USH2A: variants seen among roughly 807,000 people sequenced by gnomAD.
USH2A encodes usherin.
Under a neutral mutation model 538.9 loss-of-function variants are expected in USH2A, and 443 were observed. The observed-to-expected ratio is 0.82, with a 90% CI of 0.76 to 0.89. The LOEUF (loss-of-function observed/expected upper bound fraction) is 0.89. Among genes scored for constraint, USH2A ranks in the 40% least tolerant of loss-of-function variants. The pLI is 0.00. For synonymous variants in USH2A, 2,413 were observed against 2,273.5 expected (o/e 1.06, Z -1.75); for missense variants, 6,633 against 6,324.8 (o/e 1.05, Z -1.65).
In USH2A at chr1:215,671,372, T is replaced by C. The variant is rs1376523618; in HGVS notation, c.13812-79A>G. On this transcript the variant is annotated intron_variant, in intron 63 of 71. Transcript: ENST00000307340. Reference sequence around the variant, plus strand: ...GAAGAATCTTTAAAACACCAGGCCTTAAAAAAAAAAGACAAGCTTACATGT... The same window carrying C: ...GAAGAATCTTTAAAACACCAGGCCTCAAAAAAAAAAGACAAGCTTACATGT... 4 of 1,155,974 alleles carry C rather than the reference T, an allele frequency of 3.5e-6. No homozygotes were observed. In the Admixed American group the frequency reaches 9.9e-5, roughly 28 times the overall value. The allele number at this position is 1,155,974 out of a possible 1,614,324, so 71.6% of individuals were successfully genotyped here. A position where few individuals can be genotyped will look rare whatever the true frequency, so the allele number is the denominator to read the frequency against.
chr1:216,286,813 G>A (rs1372601646), intron 11 of USH2A, among the ~76,000 whole-genome samples: 1 of 152,042 alleles, frequency 6.6e-6, no homozygotes, highest in East Asian at 1.9e-4. Context: ...TACAAAAATG[G>A]ACTAATACAT....
At chr1:215,858,160 T>C (rs980156034) in intron 44 of USH2A, among the ~76,000 whole-genome samples, 11 of 152,216 alleles carry the variant, frequency 7.2e-5, no homozygotes, top group African/African-American at 1.4e-4. Flanking sequence ...ATGTTAAATA[T>C]GTGTATATTG....
chr1:216,315,809 CAT>C (rs2037497180), intron 9 of USH2A, among the ~76,000 whole-genome samples: 1 of 152,026 alleles, frequency 6.6e-6, no homozygotes. Context: ...TTATAAATAA[CAT>C]GTTTGTAACT....
chr1:216,059,022 C>T (rs1310358028), intron 30 of USH2A, among the ~76,000 whole-genome samples: 1 of 151,982 alleles, frequency 6.6e-6, no homozygotes, highest in Non-Finnish European at 1.5e-5. Flanking sequence ...GGAGTAAGAA[C>T]TTTCAGTTGA....
At chr1:215,739,300 T>C (rs2797221) in intron 60 of USH2A, among the ~76,000 whole-genome samples, 133,629 of 152,202 alleles carry the variant, frequency 0.88, 59,950 homozygotes, top group Non-Finnish European at 0.99. Context: ...TTGGCTGTGA[T>C]TAGAATAATC....
intron 16 of USH2A, among the ~76,000 whole-genome samples, chr1:216,206,855 T>C (rs965836127): frequency 3.9e-5 from 6 of 152,232 alleles, no homozygotes; most frequent in African/African-American, 1.4e-4. Flanking sequence ...TAATGACTGT[T>C]CACTTGAGAT....
chr1:215,808,871 A>C lies in USH2A; in HGVS notation c.9739+4865T>G, dbSNP rs530234387. On this transcript the variant is annotated intron_variant, in intron 49 of 71. Coordinates refer to ENST00000307340, the MANE Select transcript of USH2A (RefSeq NM_206933.4). Reference sequence around the variant, plus strand: ...ACAGCTGCTGTAAACCCTCATGTACAGGTTTTTGTGTAAACATAAATTTGC... The same window carrying C: ...ACAGCTGCTGTAAACCCTCATGTACCGGTTTTTGTGTAAACATAAATTTGC... Among the ~76,000 whole-genome samples the C allele has an allele frequency of 2.6e-5, 4 of 152,226 alleles. No individual in the cohort carries two copies. In the South Asian group the frequency reaches 8.3e-4, roughly 32 times the overall value.
At chr1:215,835,185 A>T (rs1225595375) in intron 47 of USH2A, among the ~76,000 whole-genome samples, 3 of 150,930 alleles carry the variant, frequency 2.0e-5, no homozygotes, top group Non-Finnish European at 4.4e-5. Context: ...AAAAAAAAAA[A>T]AAAAGCTGAC....
intron 61 of USH2A, among the ~76,000 whole-genome samples, chr1:215,701,928 T>G (rs538097305): frequency 1.2e-3 from 178 of 152,238 alleles, no homozygotes; most frequent in Non-Finnish European, 1.7e-3. Context: ...TCTTTACATT[T>G]TGGTATGTTT....
At chr1:216,334,542 AAAAC>A (rs1327973273) in intron 4 of USH2A, among the ~76,000 whole-genome samples, 3 of 152,026 alleles carry the variant, frequency 2.0e-5, no homozygotes, top group Non-Finnish European at 4.4e-5. Flanking sequence ...ACAAAATGGA[AAAAC>A]AAACAAACAT....
intron 35 of USH2A, among the ~76,000 whole-genome samples, chr1:215,975,797 T>C (rs1044100384): frequency 6.6e-6 from 1 of 152,148 alleles, no homozygotes; most frequent in Admixed American, 6.6e-5. Context: ...TGGCTCTTTT[T>C]GGGCTCTTTT....
chr1:215,660,545 T>C (rs1410231624), intron 64 of USH2A, among the ~76,000 whole-genome samples: 1 of 152,200 alleles, frequency 6.6e-6, no homozygotes, highest in Non-Finnish European at 1.5e-5. Flanking sequence ...CAGGTACTTC[T>C]GTACTGTAGA....
chr1:216,015,759 T>C (rs1298304232), intron 32 of USH2A, among the ~76,000 whole-genome samples: 3 of 152,210 alleles, frequency 2.0e-5, no homozygotes, highest in Admixed American at 1.3e-4. Context: ...TGCATTTCTC[T>C]GATGGCCAGT....
At chr1:216,066,836 G>C (rs779029681) in intron 30 of USH2A, among the ~76,000 whole-genome samples, 1 of 152,116 alleles carries the variant, frequency 6.6e-6, no homozygotes, top group Non-Finnish European at 1.5e-5. Flanking sequence ...TAGGACTTTA[G>C]GATCCAGAAG....
intron 23 of USH2A, among the ~76,000 whole-genome samples, chr1:216,087,726 A>T (rs1262395834): frequency 6.6e-6 from 1 of 152,136 alleles, no homozygotes; most frequent in Non-Finnish European, 1.5e-5. Flanking sequence ...TTAATTTGAC[A>T]TTCACAGTAT....
intron 3 of USH2A, among the ~76,000 whole-genome samples, chr1:216,405,082 C>T (rs929821566): frequency 2.6e-5 from 4 of 152,188 alleles, no homozygotes; most frequent in Non-Finnish European, 5.9e-5. Flanking sequence ...TCTCGAAGTC[C>T]TGGGCTCAAG....
chr1:216,211,630 G>A (rs2035243215), intron 15 of USH2A, among the ~76,000 whole-genome samples: 1 of 151,958 alleles, frequency 6.6e-6, no homozygotes, highest in African/African-American at 2.4e-5. Flanking sequence ...CCCTCCTTTT[G>A]TCTTTTTCTT....
chr1:216,420,296 A>T (rs2102786285), intron 2 of USH2A, among the ~76,000 whole-genome samples: 1 of 152,250 alleles, frequency 6.6e-6, no homozygotes, highest in Non-Finnish European at 1.5e-5. Context: ...GTTATTGATT[A>T]TCTTCCTTGC....
At chr1:215,971,422 T>C (rs997439632) in intron 35 of USH2A, among the ~76,000 whole-genome samples, 1 of 152,036 alleles carries the variant, frequency 6.6e-6, no homozygotes, top group Non-Finnish European at 1.5e-5. Context: ...AGGAAGGACA[T>C]AGACCCCCTT....
Sources: allele counts gnomAD v4.1 joint callset (sites outside exome capture counted in the v4.1 genomes callset), GRCh38; gene constraint gnomAD v4.1.1; transcripts MANE v1.5; gene names NCBI Gene and HGNC (gene_info 2026-07-23, HGNC 2026-07-21).